ERBB4: variants seen among roughly 807,000 people sequenced by gnomAD.
The protein encoded by ERBB4 is receptor tyrosine-protein kinase erbB-4.
Under a neutral mutation model 158.0 loss-of-function variants are expected in ERBB4, and 42 were observed. The ratio of observed to expected loss-of-function variants is 0.27; its 90% CI spans 0.21 to 0.34. The LOEUF is 0.34. Among genes scored for constraint, ERBB4 ranks in the 10% least tolerant of loss-of-function variants. The pLI is 1.00. For missense variants in ERBB4, 1,333 were observed against 1,624.1 expected (o/e 0.82, Z 3.08); for synonymous variants, 583 against 558.7 (o/e 1.04, Z -0.61).
chr2:211,577,287 T>C (rs1054012211), intron 19 of ERBB4, among the ~76,000 whole-genome samples: 6 of 152,130 alleles, frequency 3.9e-5, no homozygotes, highest in Non-Finnish European at 7.4e-5. Context: ...GGCAGGTTGG[T>C]ACTAGGGCTT....
intron 21 of ERBB4, among the ~76,000 whole-genome samples, chr2:211,429,725 G>C (rs1203731679): frequency 1.3e-5 from 2 of 152,234 alleles, no homozygotes; most frequent in Non-Finnish European, 2.9e-5. Flanking sequence ...CAGTGAAAGG[G>C]AAGAGAAGAC....
At chr2:211,938,518 A>C (rs568855570) in intron 3 of ERBB4, among the ~76,000 whole-genome samples, 2 of 152,200 alleles carry the variant, frequency 1.3e-5, no homozygotes, top group African/African-American at 4.8e-5. Flanking sequence ...AAAAATAAAA[A>C]TTCCTATCTT....
chr2:211,874,717 A>G (rs2078447594), intron 3 of ERBB4, among the ~76,000 whole-genome samples: 1 of 152,138 alleles, frequency 6.6e-6, no homozygotes. Context: ...ATGCCATGCC[A>G]TACAGCAACA....
intron 1 of ERBB4, among the ~76,000 whole-genome samples, chr2:212,414,457 C>T (rs377252702): frequency 2.0e-5 from 3 of 152,162 alleles, no homozygotes; most frequent in East Asian, 3.8e-4. Context: ...GGTGATCTTT[C>T]TCTAAGAATT....
intron 5 of ERBB4, among the ~76,000 whole-genome samples, chr2:211,728,592 A>G (rs2074343323): frequency 6.6e-6 from 1 of 151,856 alleles, no homozygotes. Flanking sequence ...CGATGCATCA[A>G]CAGTCGCTAA....
intron 1 of ERBB4, among the ~76,000 whole-genome samples, chr2:212,246,954 T>C (rs1670767814): frequency 6.6e-6 from 1 of 152,174 alleles, no homozygotes; most frequent in Non-Finnish European, 1.5e-5. Flanking sequence ...GAAAGAAACC[T>C]ATAGGATTAG....
chr2:212,325,529 CTA>C (rs1244565233), intron 1 of ERBB4, among the ~76,000 whole-genome samples: 1 of 150,642 alleles, frequency 6.6e-6, no homozygotes, highest in African/African-American at 2.4e-5. Context: ...CAGTTCTAGG[CTA>C]TGTTTTTCTT....
intron 13 of ERBB4, among the ~76,000 whole-genome samples, chr2:211,674,519 G>A (rs1317134039): frequency 6.6e-6 from 1 of 152,074 alleles, no homozygotes; most frequent in Non-Finnish European, 1.5e-5. Context: ...CATATATTGA[G>A]TTACATGGAT....
intron 3 of ERBB4, among the ~76,000 whole-genome samples, chr2:211,873,214 A>T (rs1159071598): frequency 6.6e-6 from 1 of 152,234 alleles, no homozygotes; most frequent in Non-Finnish European, 1.5e-5. Flanking sequence ...AGCATCACAG[A>T]GTCTTAGAAC....
intron 9 of ERBB4, among the ~76,000 whole-genome samples, chr2:211,707,541 G>A (rs1053720861): frequency 6.6e-6 from 1 of 152,096 alleles, no homozygotes; most frequent in African/African-American, 2.4e-5. Context: ...TAGCACCATT[G>A]CAGGCTACTA....
intron 16 of ERBB4, among the ~76,000 whole-genome samples, chr2:211,644,011 T>G (rs750161600): frequency 6.6e-6 from 1 of 152,010 alleles, no homozygotes; most frequent in Non-Finnish European, 1.5e-5. Context: ...CATTAGCATT[T>G]AATTTGGCAA....
At chr2:212,372,139 T>C (rs1292385402) in intron 1 of ERBB4, among the ~76,000 whole-genome samples, 1 of 152,146 alleles carries the variant, frequency 6.6e-6, no homozygotes, top group Non-Finnish European at 1.5e-5. Flanking sequence ...CTGAATCTCG[T>C]AGCCCCCTTT....
At chr2:212,165,816 G>A (rs960746792) in intron 1 of ERBB4, among the ~76,000 whole-genome samples, 3 of 151,900 alleles carry the variant, frequency 2.0e-5, no homozygotes, top group Non-Finnish European at 4.4e-5. Context: ...TTCTGTAGTT[G>A]GATTCTCTGT....
At chr2:212,030,429 T>C (rs2076876615) in intron 2 of ERBB4, among the ~76,000 whole-genome samples, 1 of 152,262 alleles carries the variant, frequency 6.6e-6, no homozygotes, top group East Asian at 1.9e-4. Flanking sequence ...TTGCCTACTT[T>C]AGTAAGCAAT....
intron 3 of ERBB4, among the ~76,000 whole-genome samples, chr2:211,855,370 C>T (rs1482792159): frequency 6.6e-6 from 1 of 152,220 alleles, no homozygotes; most frequent in East Asian, 1.9e-4. Flanking sequence ...TCTTTTGCTT[C>T]ATAATTAGTG....
chr2:211,685,933 T>TTCAG (rs1221366991), intron 12 of ERBB4, among the ~76,000 whole-genome samples: 1 of 152,180 alleles, frequency 6.6e-6, no homozygotes, highest in Non-Finnish European at 1.5e-5. Flanking sequence ...ATTACATGTA[T>TTCAG]TCAGATACAA....
At chr2:212,228,702 T>C (rs1020506949) in intron 1 of ERBB4, among the ~76,000 whole-genome samples, 2 of 152,110 alleles carry the variant, frequency 1.3e-5, no homozygotes, top group Non-Finnish European at 2.9e-5. Context: ...TACAGTGCAG[T>C]GGAAAGCAAA....
chr2:211,663,415 C>A (rs370011056), intron 15 of ERBB4, among the ~76,000 whole-genome samples: 2 of 152,112 alleles, frequency 1.3e-5, no homozygotes, highest in Non-Finnish European at 2.9e-5. Context: ...CTTAATTCTG[C>A]GGCTGCAAAT....
At chr2:212,110,700 T>C (rs2079378864) in intron 2 of ERBB4, among the ~76,000 whole-genome samples, 1 of 152,232 alleles carries the variant, frequency 6.6e-6, no homozygotes, top group Non-Finnish European at 1.5e-5. Context: ...AAAAAAGCTC[T>C]TCATCTTAAT....
Sources: gnomAD v4.1 joint callset for allele counts (sites outside exome capture counted in the v4.1 genomes callset) on GRCh38, gnomAD v4.1.1 for gene constraint, MANE v1.5 for transcripts, NCBI Gene and HGNC (gene_info 2026-07-23, HGNC 2026-07-21) for gene names.